Variants in CSMD1 observed in about 807,000 individuals in gnomAD.
CSMD1 encodes the protein CUB and Sushi multiple domains 1, also known as CUB and sushi domain-containing protein 1.
A neutral mutation model predicts 417.5 loss-of-function variants in CSMD1; 213 were observed. That is an observed-to-expected ratio of 0.51 (90% CI 0.46 to 0.57). The LOEUF (loss-of-function observed/expected upper bound fraction) is 0.57. Among genes scored for constraint, CSMD1 ranks in the 20% least tolerant of loss-of-function variants. The pLI, the probability that CSMD1 is intolerant of heterozygous loss-of-function variation, is 0.00. For missense variants in CSMD1, 6,923 were observed against 4,529.7 expected (o/e 1.53, Z -15.17); for synonymous variants, 2,862 against 1,736.8 (o/e 1.65, Z -16.11).
At position 3,971,735 on chromosome 8, in the gene CSMD1, A is replaced by G. The variant is rs199902922; in HGVS notation, c.818+26168T>C. ...TCCAGTGAGTTTCTCGTAGACCACC[A>G]AGGCCGATGCATTTTCTTAAATTCA... is the stretch of plus-strand genomic sequence containing the variant. On this transcript the variant is annotated intron_variant, in intron 5 of 69. Transcript: ENST00000635120. Among the ~76,000 whole-genome samples the G allele has an allele frequency of 3.3e-5, 5 of 152,162 alleles. No homozygotes were observed. In the East Asian group the frequency reaches 5.8e-4, roughly 18 times the overall value.
At chr8:4,015,790 C>CA (rs1554517002) in intron 4 of CSMD1, among the ~76,000 whole-genome samples, 1 of 151,520 alleles carries the variant, frequency 6.6e-6, no homozygotes, top group Non-Finnish European at 1.5e-5. Context: ...TGTGTTCAGA[C>CA]AAAAACAAGG....
At chr8:4,169,124 G>A (rs1041212056) in intron 3 of CSMD1, among the ~76,000 whole-genome samples, 2 of 152,244 alleles carry the variant, frequency 1.3e-5, no homozygotes, top group East Asian at 3.9e-4. Flanking sequence ...ATCCCTGTAA[G>A]CTCACTGGTG....
At chr8:3,860,984 C>A (rs940159314) in intron 5 of CSMD1, among the ~76,000 whole-genome samples, 3 of 152,154 alleles carry the variant, frequency 2.0e-5, no homozygotes, top group Non-Finnish European at 4.4e-5. Flanking sequence ...AAATGAAAGA[C>A]AAAGCATGGA....
At chr8:3,320,120 A>G (rs559353304) in intron 23 of CSMD1, among the ~76,000 whole-genome samples, 2 of 152,298 alleles carry the variant, frequency 1.3e-5, no homozygotes, top group African/African-American at 4.8e-5. Context: ...CACACAATTC[A>G]TCAGGCAGGT....
intron 26 of CSMD1, among the ~76,000 whole-genome samples, chr8:3,275,377 C>G (rs185091878): frequency 6.6e-6 from 1 of 152,074 alleles, no homozygotes; most frequent in Non-Finnish European, 1.5e-5. Flanking sequence ...TCCTTCATTT[C>G]ACCTTTGGTG....
intron 3 of CSMD1, among the ~76,000 whole-genome samples, chr8:4,405,021 A>T (rs1309539346): frequency 2.6e-5 from 4 of 152,254 alleles, no homozygotes; most frequent in African/African-American, 9.6e-5. Context: ...AATAAAACTG[A>T]GGTTTAAACT....
chr8:4,631,135 G>C (rs1418580208), intron 2 of CSMD1, among the ~76,000 whole-genome samples: 1 of 152,138 alleles, frequency 6.6e-6, no homozygotes, highest in Non-Finnish European at 1.5e-5. Flanking sequence ...GGCCGAGGCG[G>C]GTGGATCACG....
At chr8:4,453,652 C>A (rs1483723625) in intron 2 of CSMD1, among the ~76,000 whole-genome samples, 1 of 151,942 alleles carries the variant, frequency 6.6e-6, no homozygotes, top group Non-Finnish European at 1.5e-5. Flanking sequence ...GTATCTCTAG[C>A]CCCCGACACC....
chr8:4,185,597 GTGC>G (rs1416070803), intron 3 of CSMD1, among the ~76,000 whole-genome samples: 1 of 152,090 alleles, frequency 6.6e-6, no homozygotes, highest in Non-Finnish European at 1.5e-5. Context: ...TCTAGTAAAT[GTGC>G]TGATTTATGA....
At chr8:4,120,553 A>G (rs1004246166) in intron 3 of CSMD1, among the ~76,000 whole-genome samples, 8 of 152,340 alleles carry the variant, frequency 5.3e-5, no homozygotes, top group African/African-American at 1.2e-4. Context: ...AGGGATACCA[A>G]AACTGGCGAC....
chr8:4,672,995 T>C (rs748330248), intron 1 of CSMD1, among the ~76,000 whole-genome samples: 1 of 150,896 alleles, frequency 6.6e-6, no homozygotes, highest in South Asian at 2.1e-4. Flanking sequence ...CATACACATA[T>C]GCATGCATAC....
chr8:3,087,964 A>C (rs1452049083), intron 48 of CSMD1, among the ~76,000 whole-genome samples: 1 of 152,188 alleles, frequency 6.6e-6, no homozygotes, highest in East Asian at 1.9e-4. Context: ...CAAGGCCATT[A>C]ATTTCTTTCC....
At chr8:4,452,995 C>T (rs1257932370) in intron 2 of CSMD1, among the ~76,000 whole-genome samples, 1 of 152,076 alleles carries the variant, frequency 6.6e-6, no homozygotes, top group Non-Finnish European at 1.5e-5. Context: ...GAGACTGTTT[C>T]CCACAGTCCT....
intron 49 of CSMD1, among the ~76,000 whole-genome samples, chr8:3,060,534 T>G (rs1812526881): frequency 1.3e-5 from 2 of 152,186 alleles, no homozygotes; most frequent in African/African-American, 4.8e-5. Context: ...ACCACTTACT[T>G]GGCTAGGAAG....
Position 3,265,219 on chromosome 8 carries a change from A to T in CSMD1, c.4153+18925T>A, listed in dbSNP as rs116423485. On this transcript the variant is annotated intron_variant, in intron 26 of 69. Coordinates refer to ENST00000635120, the MANE Select transcript of CSMD1 (RefSeq NM_033225.6). ...AGAATCAGAAAATAAGCACAGACAC[A>T]TAACGAAGAAATAATGAAAAAACAA... Among the ~76,000 whole-genome samples the T allele has an allele frequency of 6.2e-3, 952 of 152,348 alleles. 8 individuals carry two copies. The highest frequency in any genetic ancestry group is 0.022 in the African/African-American group (904 of 41,578).
Position 3,940,516 on chromosome 8 carries a change from T to A in CSMD1, c.818+57387A>T, listed in dbSNP as rs867507188. Among the ~76,000 whole-genome samples the A allele has an allele frequency of 4.1e-3, 627 of 151,328 alleles. 9 individuals carry two copies. The highest frequency in any genetic ancestry group is 0.015 in the African/African-American group (610 of 41,162). ...TTTCCTCTGTGTGTGTGTGTGTGTGTGTGTGTGTGTGTGTGTGTGTATGTA... is the reference window on the plus strand; with the variant it reads ...TTTCCTCTGTGTGTGTGTGTGTGTGAGTGTGTGTGTGTGTGTGTGTATGTA... On this transcript the variant is annotated intron_variant, in intron 5 of 69. Coordinates refer to ENST00000635120, the MANE Select transcript of CSMD1 (RefSeq NM_033225.6).
At chr8:3,000,232 G>A (rs145181516) in intron 52 of CSMD1, 101 bp from the exon 53 acceptor site, 106 of 629,294 alleles carry the variant, frequency 1.7e-4, no homozygotes, top group African/African-American at 1.5e-3. Context: ...TATTGAAGGC[G>A]CAACATATTG....
chr8:3,379,333 T>G (rs1219578498), intron 18 of CSMD1, among the ~76,000 whole-genome samples: 1 of 152,210 alleles, frequency 6.6e-6, no homozygotes, highest in Non-Finnish European at 1.5e-5. Flanking sequence ...CAAAGTAATT[T>G]ATAGATTTAT....
chr8:4,312,425 G>GTA lies in CSMD1; in HGVS notation c.415+107526_415+107527dup, dbSNP rs1491132299. 7.6e-3 allele frequency among the ~76,000 whole-genome samples: 816 copies of GTA among 107,466 alleles called. 52 individuals are homozygous for GTA. The highest frequency in any genetic ancestry group is 0.052 in the African/African-American group (767 of 14,768). The allele number at this position is 107,466 out of a possible 152,430, so 70.5% of individuals were successfully genotyped here. On this transcript the variant is annotated intron_variant, in intron 3 of 69. Transcript: ENST00000635120. ...TATATATGCGTGTATATATATGCGC[G>GTA]TATATATATATGCGTATATATATAC...
Sources: allele counts gnomAD v4.1 joint callset (sites outside exome capture counted in the v4.1 genomes callset), GRCh38; gene constraint gnomAD v4.1.1; transcripts MANE v1.5; gene names NCBI Gene and HGNC (gene_info 2026-07-23, HGNC 2026-07-21).